OCA2: variants seen among roughly 807,000 people sequenced by gnomAD.
OCA2 encodes the protein P protein.
In OCA2, 77 loss-of-function variants were observed where a neutral mutation model predicts 100.2. That is an observed-to-expected ratio of 0.77 (90% CI 0.64 to 0.93). The LOEUF (loss-of-function observed/expected upper bound fraction) is 0.93, where lower values mean the gene tolerates loss of function less well. Ranked by LOEUF, OCA2 falls within the 40% of genes least tolerant of loss-of-function variation. The probability of loss-of-function intolerance (pLI) is 0.00; values close to 1 mark genes in which losing one functional copy is unlikely to be tolerated. For missense variants in OCA2, 1,062 were observed against 1,089.1 expected (o/e 0.98, Z 0.35); for synonymous variants, 432 against 439.2 (o/e 0.98, Z 0.21).
At position 27,854,079 on chromosome 15, in the gene OCA2, C is replaced by A. The variant is rs149713446; in HGVS notation, c.2245-2604G>T. Among the ~76,000 whole-genome samples the A allele has an allele frequency of 1.1e-3, 174 of 152,298 alleles. 1 individual carries two copies. The highest frequency in any genetic ancestry group is 4.1e-3 in the African/African-American group (170 of 41,558). On this transcript the variant is annotated intron_variant, in intron 21 of 23. Coordinates refer to ENST00000354638, the MANE Select transcript of OCA2 (RefSeq NM_000275.3). ...TGCCCTCTGCTGCATCCCACTGGGG[C>A]AGGTGGGTCCTCCTCCCCACCCCAG...
intron 1 of OCA2, among the ~76,000 whole-genome samples, chr15:28,095,094 G>A (rs1243848704): frequency 6.6e-6 from 1 of 152,244 alleles, no homozygotes; most frequent in Admixed American, 6.5e-5. Flanking sequence ...AAGCTAGGCC[G>A]GGTCACCGCC....
Position 28,014,868 on chromosome 15 carries a change from T to C in OCA2, c.952A>G (p.Met318Val). The C allele has an allele frequency of 6.2e-7, 1 of 1,614,046 alleles. No individual in the cohort carries two copies. Among genetic ancestry groups the C allele is most frequent in the African/African-American group, 1.3e-5 (1 of 74,992 alleles). ...LQQTQAVPLL[M>V]AHQYLRGSVE... ...CTTCCGCGGAGGTACTGATGAGCCATCAAAAGAGGGACAGCCTGGGTCTGC... is the reference window on the plus strand; with the variant it reads ...CTTCCGCGGAGGTACTGATGAGCCACCAAAAGAGGGACAGCCTGGGTCTGC... Residue 318 changes from methionine (M) to valine (V), a missense_variant, in exon 9 of 24, where the codon ATG becomes GTG. Transcript: ENST00000354638.
chr15:27,875,098 AAG>A (rs1298151653), intron 19 of OCA2, among the ~76,000 whole-genome samples: 5 of 152,194 alleles, frequency 3.3e-5, no homozygotes, highest in African/African-American at 1.2e-4. Flanking sequence ...GAAAGTGGGA[AAG>A]AGAGTCACCA....
intron 19 of OCA2, among the ~76,000 whole-genome samples, chr15:27,873,399 A>G (rs1459074221): frequency 6.6e-6 from 1 of 152,254 alleles, no homozygotes; most frequent in Non-Finnish European, 1.5e-5. Context: ...CCCACTGTTA[A>G]AGAACGAATA....
At chr15:27,882,301 T>C (rs2037053103) in intron 19 of OCA2, among the ~76,000 whole-genome samples, 1 of 152,212 alleles carries the variant, frequency 6.6e-6, no homozygotes, top group Non-Finnish European at 1.5e-5. Flanking sequence ...CTATTTCAGT[T>C]CACTAACTCT....
At chr15:27,861,850 G>A (rs576848688) in intron 21 of OCA2, among the ~76,000 whole-genome samples, 19 of 152,236 alleles carry the variant, frequency 1.2e-4, no homozygotes, top group African/African-American at 2.9e-4. Context: ...GTCTGGATCC[G>A]CCTGCGAATG....
chr15:27,792,290 T>C (rs1341277797), intron 23 of OCA2, among the ~76,000 whole-genome samples: 1 of 152,184 alleles, frequency 6.6e-6, no homozygotes, highest in African/African-American at 2.4e-5. Context: ...TCTTTTTTCA[T>C]TGATCCATGC....
Position 27,957,121 on chromosome 15 carries a change from G to A in OCA2, c.1784+467C>T, listed in dbSNP as rs1004221714. Among the ~76,000 whole-genome samples the A allele has an allele frequency of 6.6e-6, 1 of 152,216 alleles. No individual in the cohort carries two copies. Among genetic ancestry groups the A allele is most frequent in the Non-Finnish European group, 1.5e-5 (1 of 68,030 alleles). The stretch of plus-strand genomic sequence containing the variant: ...ATTCATGGTTACCCTTTAAATCTCA[G>A]CTTCAATTAACAACGAATGCCAGGA... On this transcript the variant is annotated intron_variant, in intron 16 of 23. Transcript: ENST00000354638. The surrounding 1 kb of genome is among the most constrained non-coding windows in gnomAD (Gnocchi z 4.3).
chr15:27,990,204 A>G (rs2041505950), intron 10 of OCA2, among the ~76,000 whole-genome samples: 1 of 152,140 alleles, frequency 6.6e-6, no homozygotes, highest in African/African-American at 2.4e-5. Context: ...TGATCTCTTC[A>G]GGACAGACCC....
chr15:28,079,063 G>C (rs2044528486), intron 2 of OCA2, among the ~76,000 whole-genome samples: 1 of 152,168 alleles, frequency 6.6e-6, no homozygotes, highest in African/African-American at 2.4e-5. Context: ...GATTCCCTGA[G>C]AGCTAAAACA....
chr15:28,062,593 T>C (rs1322169603), intron 2 of OCA2, among the ~76,000 whole-genome samples: 1 of 152,242 alleles, frequency 6.6e-6, no homozygotes, highest in Non-Finnish European at 1.5e-5. Flanking sequence ...GTACTTTTTT[T>C]GTTTGTGCTT....
chr15:27,845,712 G>T (rs531691689), intron 22 of OCA2, among the ~76,000 whole-genome samples: 1 of 152,166 alleles, frequency 6.6e-6, no homozygotes, highest in South Asian at 2.1e-4. Context: ...GTCGCTCCCA[G>T]CCATCGTGGT....
the OCA2 span, among the ~76,000 whole-genome samples, chr15:27,729,934 G>A: frequency 1.3e-5 from 2 of 152,204 alleles, no homozygotes; most frequent in Non-Finnish European, 2.9e-5. Flanking sequence ...CACCAAAAAT[G>A]TGGGTTGTTT....
At chr15:27,736,216 G>A in the OCA2 span, among the ~76,000 whole-genome samples, 1 of 152,156 alleles carries the variant, frequency 6.6e-6, no homozygotes, top group Admixed American at 6.5e-5. Context: ...GCTAAAATGT[G>A]CATTTTCAGA....
chr15:27,872,001 G>T (rs2036598257), intron 19 of OCA2, 79 bp from the exon 20 acceptor site: 3 of 1,041,734 alleles, frequency 2.9e-6, no homozygotes, highest in East Asian at 2.4e-5. Flanking sequence ...TCTTGAAAAT[G>T]AAAAGACGTG....
At chr15:28,065,536 G>A (rs188140200) in intron 2 of OCA2, among the ~76,000 whole-genome samples, 23 of 152,202 alleles carry the variant, frequency 1.5e-4, no homozygotes, top group African/African-American at 5.3e-4. Flanking sequence ...CAGAGCAAAC[G>A]CAATAATTTA....
chr15:27,812,416 G>A (rs1488617372), intron 23 of OCA2, among the ~76,000 whole-genome samples: 1 of 152,160 alleles, frequency 6.6e-6, no homozygotes, highest in Non-Finnish European at 1.5e-5. Flanking sequence ...CTCCCTCACC[G>A]ATCTCATGCA....
chr15:28,001,394 A>G (rs915722835), intron 9 of OCA2, among the ~76,000 whole-genome samples: 1 of 152,140 alleles, frequency 6.6e-6, no homozygotes, highest in African/African-American at 2.4e-5. Context: ...AAAGACAAAT[A>G]CTGCATGATC....
chr15:28,067,122 A>T (rs541880086), intron 2 of OCA2, among the ~76,000 whole-genome samples: 1 of 152,248 alleles, frequency 6.6e-6, no homozygotes, highest in East Asian at 1.9e-4. Flanking sequence ...CATTTAGCTC[A>T]GAATAAATCT....
Sources: gnomAD v4.1 joint callset for allele counts (sites outside exome capture counted in the v4.1 genomes callset) on GRCh38, gnomAD v4.1.1 for gene constraint, Gnocchi (gnomAD v3.1) non-coding constraint, MANE v1.5 for transcripts, NCBI Gene and HGNC (gene_info 2026-07-23, HGNC 2026-07-21) for gene names.